The following NPFFR1 variants were observed in gnomAD, a reference collection of about 807,000 sequenced individuals.
NPFFR1 encodes G-protein coupled receptor 147.
In NPFFR1, 17 loss-of-function variants were observed where a neutral mutation model predicts 12.7. The ratio of observed to expected loss-of-function variants is 1.34; its 90% CI spans 0.92 to 2.01. NPFFR1 has a LOEUF of 2.01. Among genes scored for constraint, NPFFR1 ranks in the 30% most tolerant of loss-of-function variants. The pLI, the probability that NPFFR1 is intolerant of heterozygous loss-of-function variation, is 0.00. For missense variants in NPFFR1, 604 were observed against 606.5 expected, an observed-to-expected ratio of 1.00 and a Z score of 0.04; for synonymous variants, 296 against 264.5, an observed-to-expected ratio of 1.12 and a Z score of -1.16.
At chr10:70,274,978 C>T (rs183047098) in intron 1 of NPFFR1, among the ~76,000 whole-genome samples, 1 of 152,300 alleles carries the variant, frequency 6.6e-6, no homozygotes, top group Admixed American at 6.5e-5. Flanking sequence ...GAACTATAAC[C>T]TCCTACTGTT....
At chr10:70,277,931 T>TG (rs35789490) in intron 1 of NPFFR1, 187,169 of 518,914 alleles carry the variant, frequency 0.36, 36,114 homozygotes, top group South Asian at 0.46. Flanking sequence ...CTCTAGATGT[T>TG]GGGGAAGACT....
intron 1 of NPFFR1, among the ~76,000 whole-genome samples, chr10:70,276,976 C>T (rs903681088): frequency 5.9e-5 from 9 of 152,142 alleles, no homozygotes; most frequent in Admixed American, 1.3e-4. Context: ...GTTGAGCAGC[C>T]GCTTACATAG....
rs76577439 is a variant in NPFFR1 at position 70,279,727 on chromosome 10, C to T, written c.7+3943G>A. Among the ~76,000 whole-genome samples the T allele has an allele frequency of 1.4e-4, 22 of 152,312 alleles. No homozygotes were observed. The East Asian group carries it at 4.2e-3, about 29-fold the overall frequency. On this transcript the variant is annotated intron_variant, in intron 1 of 3. Coordinates refer to ENST00000277942, the MANE Select transcript of NPFFR1 (RefSeq NM_022146.5). ...CTTCCCGCTTTGGCCTCCCAAAGTGCTCTGATTACAGGCATGAGCCACTGC... is the reference window on the plus strand; with the variant it reads ...CTTCCCGCTTTGGCCTCCCAAAGTGTTCTGATTACAGGCATGAGCCACTGC...
chr10:70,264,082 C>CA (rs925868222), intron 2 of NPFFR1, among the ~76,000 whole-genome samples: 7 of 146,196 alleles, frequency 4.8e-5, no homozygotes, highest in African/African-American at 1.3e-4. Flanking sequence ...GAGACTGTCT[C>CA]AAAAAAAAGA....
chr10:70,283,584 T>A (rs1840884554), intron 1 of NPFFR1, 86 bp downstream of exon 1: 1 of 1,304,212 alleles, frequency 7.7e-7, no homozygotes, highest in Non-Finnish European at 1.1e-6. Flanking sequence ...GGTGATCAGC[T>A]GCCCGGCCCT....
Position 70,283,132 on chromosome 10 carries a change from T to TTC in NPFFR1, c.7+537_7+538insGA, listed in dbSNP as rs1554833974. 2.7e-5 allele frequency among the ~76,000 whole-genome samples: 4 copies of TTC among 149,548 alleles called. 1 individual carries two copies. Among genetic ancestry groups the TTC allele is most frequent in the African/African-American group, 9.8e-5 (4 of 40,802 alleles). ...CACACACAACAGGGACTCTCTCTTT[T>TTC]TGTGTGTGTGTGTGTGTGTGTCTTG... On this transcript the variant is annotated intron_variant, in intron 1 of 3. Transcript: ENST00000277942.
intron 1 of NPFFR1, among the ~76,000 whole-genome samples, chr10:70,267,953 G>A (rs569961979): frequency 3.9e-5 from 6 of 152,312 alleles, no homozygotes; most frequent in Non-Finnish European, 7.3e-5. Flanking sequence ...ATACTCCCAG[G>A]TTTAGGCCTT....
chr10:70,255,072 G>C lies in NPFFR1; in HGVS notation c.1178C>G (p.Ala393Gly). The change falls in exon 4 of 4, where the codon GCC becomes GGC. Residue 393 changes from alanine (A) to glycine (G), a missense_variant. Ala to Gly is a moderately conservative substitution (Grantham distance 60). Transcript: ENST00000277942. The surrounding 1 kb of genome is among the most constrained non-coding windows in gnomAD (Gnocchi z 4.2). ...CAGCGGGAGGCGGCCGGGCCTGGGG[G>C]CCCCACTGCTAGGGCCCGACTCAGA... ...LPSESGPSSG[A>G]PRPGRLPLRN... The C allele has an allele frequency of 6.9e-7, 1 of 1,441,842 alleles. No homozygotes were observed. The highest frequency in any genetic ancestry group is 1.5e-5 in the South Asian group (1 of 67,372). 89.3% of individuals were successfully genotyped at this position (1,441,842 alleles called of 1,614,324 possible). A position where few individuals can be genotyped will look rare whatever the true frequency, so the allele number is the denominator to read the frequency against.
chr10:70,257,644 G>A (rs1196050681), intron 3 of NPFFR1, among the ~76,000 whole-genome samples: 1 of 152,226 alleles, frequency 6.6e-6, no homozygotes, highest in Non-Finnish European at 1.5e-5. Flanking sequence ...CACCTGTAAA[G>A]GGTCTGTGCT....
rs939941175 is a variant in NPFFR1 at position 70,267,787 on chromosome 10, G to C, written c.8-1396C>G. On this transcript the variant is annotated intron_variant, in intron 1 of 3. Coordinates refer to ENST00000277942, the MANE Select transcript of NPFFR1 (RefSeq NM_022146.5). ...GAGGCTCAATGGAGGCTGGGGGCCT[G>C]GAGGTTAGAGACCCTCAGAGGAGCA... Among the ~76,000 whole-genome samples the C allele has an allele frequency of 5.3e-5, 8 of 152,230 alleles. No homozygotes were observed. The South Asian group carries it at 6.2e-4, about 12-fold the overall frequency.
At chr10:70,267,823 G>A (rs549371235) in intron 1 of NPFFR1, among the ~76,000 whole-genome samples, 1 of 152,272 alleles carries the variant, frequency 6.6e-6, no homozygotes, top group South Asian at 2.1e-4. Context: ...GGGCCAGCGA[G>A]CTGGCATCAT....
intron 2 of NPFFR1, 22 bp from the exon 3 acceptor site, chr10:70,260,761 C>T: frequency 1.3e-6 from 2 of 1,567,804 alleles, no homozygotes; most frequent in Non-Finnish European, 1.7e-6. Context: ...GAGGCCCCCA[C>T]AGAGTGAGAG....
In NPFFR1 at chr10:70,266,443, C is replaced by A. The variant is rs982985698; in HGVS notation, c.8-52G>T. 2.8e-6 allele frequency: 4 copies of A among 1,419,932 alleles called. No homozygotes were observed. The Admixed American group carries it at 6.1e-5, about 22-fold the overall frequency. The allele number at this position is 1,419,932 out of a possible 1,614,324, so 88.0% of individuals were successfully genotyped here. A position where few individuals can be genotyped will look rare whatever the true frequency, so the allele number is the denominator to read the frequency against. ...GGACCTTAGGCAAAGAAGAGATTAC[C>A]GATTTCTCACCACTAATGAGACCCT... On this transcript the variant is annotated intron_variant, in intron 1 of 3. Transcript: ENST00000277942.
At chr10:70,280,513 G>T (rs1589917307) in intron 1 of NPFFR1, among the ~76,000 whole-genome samples, 1 of 152,200 alleles carries the variant, frequency 6.6e-6, no homozygotes, top group Non-Finnish European at 1.5e-5. Flanking sequence ...ATACCTGTTA[G>T]CCATTTGTAT....
chr10:70,255,093 T>G lies in NPFFR1; in HGVS notation c.1157A>C (p.Glu386Ala). The change falls in exon 4 of 4, where the codon GAG becomes GCG. Residue 386 changes from glutamate (E) to alanine (A), a missense_variant. Glu to Ala is a moderately radical substitution (Grantham distance 107). Transcript: ENST00000277942. The surrounding 1 kb of genome is among the most constrained non-coding windows in gnomAD (Gnocchi z 4.2). ...GGGGGCCCCACTGCTAGGGCCCGAC[T>G]CAGAGGGCAGCCCGGAGTCGCTGGG... is the stretch of plus-strand genomic sequence containing the variant. Reference protein sequence around the residue: ...VRPSDSGLPSESGPSSGAPRP... With the variant: ...VRPSDSGLPSASGPSSGAPRP... 2 of 1,472,018 alleles carry G rather than the reference T, an allele frequency of 1.4e-6. No homozygotes were observed. The highest frequency in any genetic ancestry group is 1.8e-6 in the Non-Finnish European group (2 of 1,117,118). The allele number at this position is 1,472,018 out of a possible 1,614,324, so 91.2% of individuals were successfully genotyped here.
chr10:70,275,639 CT>C (rs1308730412), intron 1 of NPFFR1, among the ~76,000 whole-genome samples: 1 of 151,906 alleles, frequency 6.6e-6, no homozygotes, highest in Non-Finnish European at 1.5e-5. Flanking sequence ...GAAAGCATGC[CT>C]TGTTCAGCTT....
rs1171923424 is a variant in NPFFR1, at chr10:70,255,430, T to C, written c.820A>G (p.Met274Val). 6.5e-7 allele frequency: 1 copy of C among 1,547,118 alleles called. No homozygotes were observed. The highest frequency in any genetic ancestry group is 2.4e-5 in the East Asian group (1 of 40,870). ...GACAGCGTGAAGAACAGCGCCACCA[T>C]GACCAGCATGTGCACCACGCGCGCT... is the stretch of plus-strand genomic sequence containing the variant. ...RRARVVHMLV[M>V]VALFFTLSWL... The change falls in exon 4 of 4, where the codon ATG (methionine) becomes GTG (valine). Residue 274 changes from methionine (M) to valine (V), a missense_variant. By Grantham distance (21) the Met-to-Val change is conservative (BLOSUM62 1). Transcript: ENST00000277942. This position sits in a 1 kb window ranked among gnomAD's most constrained non-coding sequence, Gnocchi z 4.2.
chr10:70,283,168 C>T (rs1400551464), intron 1 of NPFFR1, among the ~76,000 whole-genome samples: 1 of 151,984 alleles, frequency 6.6e-6, no homozygotes, highest in Non-Finnish European at 1.5e-5. Flanking sequence ...TACATGCACA[C>T]ACATATGTAC....
In NPFFR1 at chr10:70,255,484, C is replaced by A; in HGVS notation, c.766G>T (p.Ala256Ser). 6.5e-7 allele frequency: 1 copy of A among 1,547,660 alleles called. No homozygotes were observed. The highest frequency in any genetic ancestry group is 8.7e-7 in the Non-Finnish European group (1 of 1,145,472). ...APGPAPGGEE[A>S]ADPRASRRRA... ...CGCCGCGATGCTCGCGGGTCCGCAG[C>A]CTCCTCGCCCCCGGGGGCCGGGCCC... The change falls in exon 4 of 4, where the codon GCT (alanine) becomes TCT (serine). Residue 256 changes from alanine (A) to serine (S), a missense_variant. Ala to Ser is a moderately conservative substitution (Grantham distance 99). Coordinates refer to ENST00000277942, the MANE Select transcript of NPFFR1 (RefSeq NM_022146.5). The surrounding 1 kb of genome is among the most constrained non-coding windows in gnomAD (Gnocchi z 4.2).
Sources: allele counts gnomAD v4.1 joint callset (sites outside exome capture counted in the v4.1 genomes callset), GRCh38; gene constraint gnomAD v4.1.1; non-coding constraint Gnocchi (gnomAD v3.1); transcripts MANE v1.5; gene names NCBI Gene and HGNC (gene_info 2026-07-23, HGNC 2026-07-21).